The following RAB20 variants were observed in gnomAD, a reference collection of about 807,000 sequenced individuals.
RAB20 encodes the protein RAB20, member RAS oncogene family.
A neutral mutation model predicts 3.7 loss-of-function variants in RAB20; 2 were observed. That is an observed-to-expected ratio of 0.54 (90% CI 0.22 to 1.69). The LOEUF (loss-of-function observed/expected upper bound fraction) is 1.69, where lower values mean the gene tolerates loss of function less well. Among genes scored for constraint, RAB20 ranks in the 40% most tolerant of loss-of-function variants. RAB20 has a pLI of 0.19. For synonymous variants in RAB20, 126 were observed against 130.8 expected (o/e 0.96, Z 0.25); for missense variants, 276 against 311.9 (o/e 0.88, Z 0.87).
At chr13:110,543,125 CT>C (rs1884794151) in intron 1 of RAB20, among the ~76,000 whole-genome samples, 1 of 152,070 alleles carries the variant, frequency 6.6e-6, no homozygotes, top group African/African-American at 2.4e-5. Flanking sequence ...AGGACCTTTG[CT>C]CATTTTATTT....
chr13:110,539,230 G>C (rs1216842239), intron 1 of RAB20, among the ~76,000 whole-genome samples: 3 of 152,132 alleles, frequency 2.0e-5, no homozygotes, highest in Non-Finnish European at 4.4e-5. Context: ...TGACATAAAG[G>C]AGGATGATTA....
At chr13:110,549,234 G>A (rs1405630090) in intron 1 of RAB20, among the ~76,000 whole-genome samples, 3 of 152,256 alleles carry the variant, frequency 2.0e-5, no homozygotes, top group African/African-American at 7.2e-5. Context: ...AGCTTGGTCT[G>A]TGTTAGAATA....
rs183921900 is a variant in RAB20, at chr13:110,523,485, A to C, written c.*180T>G. 619 of 1,159,318 alleles carry C rather than the reference A, an allele frequency of 5.3e-4. 5 individuals are homozygous for C. The African/African-American group carries it at 8.9e-3, about 17-fold the overall frequency. 71.8% of individuals were successfully genotyped at this position (1,159,318 alleles called of 1,614,324 possible). On this transcript the variant is annotated 3_prime_UTR_variant, in exon 2 of 2. Transcript: ENST00000267328. The stretch of plus-strand genomic sequence containing the variant: ...CTCCCCACCCCTCTGACAGAGACTG[A>C]GGAGACCACACACGTTGACCTCCTC...
chr13:110,534,418 G>C (rs942615417), intron 1 of RAB20, among the ~76,000 whole-genome samples: 12 of 152,152 alleles, frequency 7.9e-5, no homozygotes, highest in Non-Finnish European at 1.6e-4. Flanking sequence ...TGTCCCCTGA[G>C]GCCGAGCCCC....
intron 1 of RAB20, among the ~76,000 whole-genome samples, chr13:110,549,121 T>C (rs1357831372): frequency 4.6e-5 from 7 of 152,230 alleles, no homozygotes; most frequent in Non-Finnish European, 1.0e-4. Flanking sequence ...GGAGAGCGGT[T>C]AGGCCAGAGG....
chr13:110,527,061 GTGGCTCTCTA>G lies in RAB20; in HGVS notation c.173-2874_173-2865del, dbSNP rs145099948. Among the ~76,000 whole-genome samples the G allele has an allele frequency of 4.0e-3, 606 of 152,254 alleles. 2 individuals carry two copies. Among genetic ancestry groups the G allele is most frequent in the African/African-American group, 0.014 (583 of 41,536 alleles). On this transcript the variant is annotated intron_variant, in intron 1 of 1. Coordinates refer to ENST00000267328, the MANE Select transcript of RAB20 (RefSeq NM_017817.3). Reference sequence around the variant, plus strand: ...CTGAACGCATGACACCTGCACACATGTGGCTCTCTAAGGCAGACTGTCCTTTGCCAATAAA... The same window carrying G: ...CTGAACGCATGACACCTGCACACATGAGGCAGACTGTCCTTTGCCAATAAA...
At chr13:110,526,469 A>G (rs1459072781) in intron 1 of RAB20, among the ~76,000 whole-genome samples, 1 of 139,546 alleles carries the variant, frequency 7.2e-6, no homozygotes. Context: ...ACAGTGGCCC[A>G]TCATTGGCAG....
In RAB20 at chr13:110,561,336, C is replaced by T. The variant is rs1340261557; in HGVS notation, c.172+12G>A. 14 of 1,585,132 alleles carry T rather than the reference C, an allele frequency of 8.8e-6. 1 individual carries two copies. In the Admixed American group the frequency reaches 1.9e-4, roughly 22 times the overall value. On this transcript the variant is annotated intron_variant, in intron 1 of 1. Coordinates refer to ENST00000267328, the MANE Select transcript of RAB20 (RefSeq NM_017817.3). ...CCCCAGGGCGGTGTGGCTCATGCGG[C>T]GCCGGCCTCACCTGCGGTGTCCCAG...
intron 1 of RAB20, among the ~76,000 whole-genome samples, chr13:110,526,888 A>G (rs1884438637): frequency 6.6e-6 from 1 of 152,192 alleles, no homozygotes; most frequent in Non-Finnish European, 1.5e-5. Context: ...ACTGTACTTA[A>G]GGACAGCTGG....
intron 1 of RAB20, among the ~76,000 whole-genome samples, chr13:110,538,318 G>A (rs1884686278): frequency 6.7e-6 from 1 of 149,766 alleles, no homozygotes; most frequent in Non-Finnish European, 1.5e-5. Flanking sequence ...TAATCTAAAA[G>A]AAATAGGCCA....
chr13:110,544,017 TC>T (rs1333530423), intron 1 of RAB20, among the ~76,000 whole-genome samples: 4 of 152,098 alleles, frequency 2.6e-5, no homozygotes, highest in Non-Finnish European at 5.9e-5. Context: ...ACTTAAGCGA[TC>T]CACCCACGTC....
rs182404257 is a variant in RAB20 at position 110,524,840 on chromosome 13, G to A, written c.173-643C>T. On this transcript the variant is annotated intron_variant, in intron 1 of 1. Transcript: ENST00000267328. ...ACACAGTGGACATCTCCCCTCCCAC[G>A]CTGGAATCGGAATCCCTGAGGAGCC... Among the ~76,000 whole-genome samples, 42 of 152,226 alleles carry A rather than the reference G, an allele frequency of 2.8e-4. No homozygotes were observed. The East Asian group carries it at 5.8e-3, about 21-fold the overall frequency.
At chr13:110,542,746 CT>C (rs767498571) in intron 1 of RAB20, among the ~76,000 whole-genome samples, 23 of 152,186 alleles carry the variant, frequency 1.5e-4, no homozygotes, top group Non-Finnish European at 2.6e-4. Context: ...GATTCTGTAT[CT>C]TGGCTACTGT....
intron 1 of RAB20, among the ~76,000 whole-genome samples, chr13:110,536,740 T>TGGGGGGGG (rs1884648025): frequency 1.4e-5 from 1 of 69,116 alleles, no homozygotes. Flanking sequence ...GGGGGGGGGT[T>TGGGGGGGG]GTTTTTATGT....
At chr13:110,559,881 G>T (rs953477014) in intron 1 of RAB20, among the ~76,000 whole-genome samples, 1 of 152,178 alleles carries the variant, frequency 6.6e-6, no homozygotes, top group Non-Finnish European at 1.5e-5. Flanking sequence ...GAAACACACC[G>T]TGTGTTAAGA....
intron 1 of RAB20, among the ~76,000 whole-genome samples, chr13:110,541,026 C>T (rs1355266094): frequency 6.6e-6 from 1 of 152,184 alleles, no homozygotes; most frequent in African/African-American, 2.4e-5. Context: ...CTGGCTGGGT[C>T]CTGGGTTCTG....
chr13:110,556,782 T>C (rs1036824365), intron 1 of RAB20, among the ~76,000 whole-genome samples: 2 of 152,188 alleles, frequency 1.3e-5, no homozygotes, highest in Admixed American at 6.5e-5. Context: ...TCCTTTCACT[T>C]CAGCCTCCTA....
rs189923442 is a variant in RAB20 at position 110,550,090 on chromosome 13, A to C, written c.172+11258T>G. 2.8e-3 allele frequency among the ~76,000 whole-genome samples: 425 copies of C among 152,218 alleles called. 1 individual carries two copies. The highest frequency in any genetic ancestry group is 9.9e-3 in the African/African-American group (410 of 41,508). On this transcript the variant is annotated intron_variant, in intron 1 of 1. Transcript: ENST00000267328. The stretch of plus-strand genomic sequence containing the variant: ...AGACAACCAATGAAGTCTCCATAAG[A>C]AGCCCAGAAAACAGGGTTCAGGGAG...
Position 110,528,192 on chromosome 13 carries a change from G to A in RAB20, c.173-3995C>T, listed in dbSNP as rs550891022. On this transcript the variant is annotated intron_variant, in intron 1 of 1. Coordinates refer to ENST00000267328, the MANE Select transcript of RAB20 (RefSeq NM_017817.3). The stretch of plus-strand genomic sequence containing the variant: ...AGCACTTTGGGACGCCGGGGTGGGC[G>A]GATCACCTGAGTTCGGGAGTTCGAG... 9.0e-4 allele frequency among the ~76,000 whole-genome samples: 136 copies of A among 151,882 alleles called. 1 individual carries two copies. Among genetic ancestry groups the A allele is most frequent in the African/African-American group, 2.9e-3 (118 of 41,398 alleles).
Sources: allele counts gnomAD v4.1 joint callset (sites outside exome capture counted in the v4.1 genomes callset), GRCh38; gene constraint gnomAD v4.1.1; transcripts MANE v1.5; gene names NCBI Gene and HGNC (gene_info 2026-07-23, HGNC 2026-07-21).